Variants in VPREB3 observed in about 807,000 individuals in gnomAD.
VPREB3 encodes the protein pre-B lymphocyte protein 3.
In VPREB3, 14 loss-of-function variants were observed where a neutral mutation model predicts 12.9. That is an observed-to-expected ratio of 1.09 (90% confidence interval 0.72 to 1.70). VPREB3 has a LOEUF of 1.70. Among genes scored for constraint, VPREB3 ranks in the 40% most tolerant of loss-of-function variants. The probability of loss-of-function intolerance (pLI) is 0.00; values close to 1 mark genes in which losing one functional copy is unlikely to be tolerated. For synonymous variants in VPREB3, 78 were observed against 70.1 expected, an observed-to-expected ratio of 1.11 and a Z score of -0.56; for missense variants, 165 against 159.6, an observed-to-expected ratio of 1.03 and a Z score of -0.18.
Position 23,752,759 on chromosome 22 carries a change from A to G in VPREB3, c.*117T>C. The G allele has an allele frequency of 1.0e-6, 1 of 970,040 alleles. No individual in the cohort carries two copies. The highest frequency in any genetic ancestry group is 2.6e-5 in the East Asian group (1 of 38,308). 60.1% of individuals were successfully genotyped at this position (970,040 alleles called of 1,614,324 possible). The stretch of plus-strand genomic sequence containing the variant: ...CACAATAGCTGTTGTTGACATGTTG[A>G]ATATTATTAACCCATTTTACAGAGG... On this transcript the variant is annotated 3_prime_UTR_variant, in exon 2 of 2. Transcript: ENST00000248948.
At chr22:23,754,142 G>A (rs1454981560) in intron 1 of VPREB3, among the ~76,000 whole-genome samples, 173 bp downstream of exon 1, 4 of 151,058 alleles carry the variant, frequency 2.6e-5, no homozygotes, top group Admixed American at 6.6e-5. Flanking sequence ...AGATTGCACC[G>A]TTGCACTCCA....
chr22:23,753,299 C>T (rs1925421048), intron 1 of VPREB3, 101 bp from the exon 2 acceptor site: 3 of 1,237,256 alleles, frequency 2.4e-6, no homozygotes, highest in Admixed American at 4.5e-5. Context: ...CCAAAGGGCT[C>T]ATAGCCCAGT....
In VPREB3 at chr22:23,752,768, A is replaced by T; in HGVS notation, c.*108T>A. On this transcript the variant is annotated 3_prime_UTR_variant, in exon 2 of 2. Coordinates refer to ENST00000248948, the MANE Select transcript of VPREB3 (RefSeq NM_013378.3). Reference sequence around the variant, plus strand: ...TGTTGTTGACATGTTGAATATTATTAACCCATTTTACAGAGGGGAAGCAAG... The same window carrying T: ...TGTTGTTGACATGTTGAATATTATTTACCCATTTTACAGAGGGGAAGCAAG... The T allele has an allele frequency of 9.6e-7, 1 of 1,040,618 alleles. No homozygotes were observed. The allele number at this position is 1,040,618 out of a possible 1,614,324, so 64.5% of individuals were successfully genotyped here.
At position 23,752,880 on chromosome 22, in the gene VPREB3, G is replaced by C. The variant is rs774759606; in HGVS notation, c.368C>G (p.Pro123Arg). The C allele has an allele frequency of 1.2e-6, 2 of 1,609,194 alleles. No individual in the cohort carries two copies. The highest frequency in any genetic ancestry group is 2.2e-5 in the South Asian group (2 of 90,742). ...CACCCATCTCACACCCCACCCCTAG[G>C]GACTAAAGCCGTAGCCAACAGAGCA... ...YYCSVGYGFS[P>R] Residue 123 changes from proline (P) to arginine (R), a missense_variant, in exon 2 of 2, where the codon CCC (proline) becomes CGC (arginine). Coordinates refer to ENST00000248948, the MANE Select transcript of VPREB3 (RefSeq NM_013378.3).
intron 1 of VPREB3, 112 bp from the exon 2 acceptor site, chr22:23,753,310 G>A (rs1925421174): frequency 8.7e-7 from 1 of 1,151,482 alleles, no homozygotes; most frequent in Non-Finnish European, 1.2e-6. Context: ...ATAGCCCAGT[G>A]CTATGGGATT....
rs1346674834 is a variant in VPREB3 at position 23,753,111 on chromosome 22, T to G, written c.137A>C (p.His46Pro). The G allele has an allele frequency of 3.1e-6, 5 of 1,613,864 alleles. No individual in the cohort carries two copies. The African/African-American group carries it at 6.7e-5, about 22-fold the overall frequency. Reference protein sequence around the residue: ...AQLSCTLSPQHVTIRDYGVSW... With the variant: ...AQLSCTLSPQPVTIRDYGVSW... Reference sequence around the variant, plus strand: ...CACACCGTAGTCCCTGATGGTGACGTGCTGGGGGCTGAGCGTGCAGGAGAG... The same window carrying G: ...CACACCGTAGTCCCTGATGGTGACGGGCTGGGGGCTGAGCGTGCAGGAGAG... Residue 46 changes from histidine to proline, a missense_variant, in exon 2 of 2, where the codon CAC becomes CCC. Coordinates refer to ENST00000248948, the MANE Select transcript of VPREB3 (RefSeq NM_013378.3).
chr22:23,754,200 C>T (rs1353079116), intron 1 of VPREB3, 115 bp downstream of exon 1: 32 of 1,098,558 alleles, frequency 2.9e-5, no homozygotes, highest in Non-Finnish European at 4.0e-5. Flanking sequence ...AAAAAAATAC[C>T]CCTCCCAGGA....
At chr22:23,754,220 C>G (rs1214669438) in intron 1 of VPREB3, 95 bp downstream of exon 1, 6 of 1,329,352 alleles carry the variant, frequency 4.5e-6, no homozygotes, top group Non-Finnish European at 6.3e-6. Context: ...ACCTGCCCTA[C>G]TGTCCCCATC....
rs1315840147 is a variant in VPREB3, at chr22:23,753,099, C to G, written c.149G>C (p.Arg50Thr). The change falls in exon 2 of 2, where the codon AGG becomes ACG. Residue 50 changes from arginine to threonine, a missense_variant. Arg to Thr is a moderately conservative substitution (Grantham distance 71, BLOSUM62 -1). Coordinates refer to ENST00000248948, the MANE Select transcript of VPREB3 (RefSeq NM_013378.3). ...CTGGTACCAGGACACACCGTAGTCCCTGATGGTGACGTGCTGGGGGCTGAG... is the reference window on the plus strand; with the variant it reads ...CTGGTACCAGGACACACCGTAGTCCGTGATGGTGACGTGCTGGGGGCTGAG... ...CTLSPQHVTI[R>T]DYGVSWYQQR... The G allele has an allele frequency of 1.9e-6, 3 of 1,613,972 alleles. No homozygotes were observed. In the African/African-American group the frequency reaches 4.0e-5, roughly 22 times the overall value.
In VPREB3 at chr22:23,752,918, G is replaced by A. The variant is rs145023296; in HGVS notation, c.330C>T (p.Asp110=). Residue 110 remains aspartate, a synonymous_variant, in exon 2 of 2, where the codon GAC becomes GAT. Coordinates refer to ENST00000248948, the MANE Select transcript of VPREB3 (RefSeq NM_013378.3). ...LTISPVQPED[D]ADYYCSVGYG... Reference sequence around the variant, plus strand: ...AGCCAACAGAGCAGTAGTAATCCGCGTCGTCTTCAGGCTGCACGGGACTAA... The same window carrying A: ...AGCCAACAGAGCAGTAGTAATCCGCATCGTCTTCAGGCTGCACGGGACTAA... 50 of 1,614,116 alleles carry A rather than the reference G, an allele frequency of 3.1e-5. No individual in the cohort carries two copies. The African/African-American group carries it at 3.9e-4, about 12-fold the overall frequency.
rs140601102 is a variant in VPREB3, at chr22:23,753,034, G to A, written c.214C>T (p.Arg72Cys). 6,819 of 1,614,136 alleles carry A rather than the reference G, an allele frequency of 4.2e-3. 21 individuals are homozygous for A. Among genetic ancestry groups the A allele is most frequent in the Non-Finnish European group, 5.2e-3 (6,147 of 1,180,016 alleles). ...GSAPRYLLYY[R>C]SEEDHHRPAD... ...GGCCGGTGGTGATCCTCCTCCGAGC[G>A]GTAGTAGAGGAGATATCGAGGGGCA... The change falls in exon 2 of 2, where the codon CGC (arginine) becomes TGC (cysteine). Residue 72 changes from arginine (R) to cysteine (C), a missense_variant. Arg to Cys is a radical substitution (Grantham distance 180). Coordinates refer to ENST00000248948, the MANE Select transcript of VPREB3 (RefSeq NM_013378.3).
intron 1 of VPREB3, among the ~76,000 whole-genome samples, chr22:23,753,797 A>G (rs546547791): frequency 7.2e-5 from 11 of 152,196 alleles, no homozygotes; most frequent in Non-Finnish European, 1.6e-4. Context: ...TGATCTGGTC[A>G]TTCACGAATG....
Position 23,752,793 on chromosome 22 carries a change from G to A in VPREB3, c.*83C>T. The stretch of plus-strand genomic sequence containing the variant: ...AACCCATTTTACAGAGGGGAAGCAA[G>A]GCTCAGAGAAAGTTTAAAAGGGACC... On this transcript the variant is annotated 3_prime_UTR_variant, in exon 2 of 2. Coordinates refer to ENST00000248948, the MANE Select transcript of VPREB3 (RefSeq NM_013378.3). 1 of 1,343,168 alleles carries A rather than the reference G, an allele frequency of 7.4e-7. No individual in the cohort carries two copies. Among genetic ancestry groups the A allele is most frequent in the Non-Finnish European group, 1.0e-6 (1 of 965,702 alleles). 83.2% of individuals were successfully genotyped at this position (1,343,168 alleles called of 1,614,324 possible). A position where few individuals can be genotyped will look rare whatever the true frequency, so the allele number is the denominator to read the frequency against.
chr22:23,752,829 G>A lies in VPREB3; in HGVS notation c.*47C>T. 6.4e-7 allele frequency: 1 copy of A among 1,564,770 alleles called. No individual in the cohort carries two copies. Among genetic ancestry groups the A allele is most frequent in the Non-Finnish European group, 8.7e-7 (1 of 1,147,740 alleles). The stretch of plus-strand genomic sequence containing the variant: ...AGTTTAAAAGGGACCCAAGGTCAGG[G>A]GCAGAAATGGGAGGCAGAGGGGAGG... On this transcript the variant is annotated 3_prime_UTR_variant, in exon 2 of 2. Coordinates refer to ENST00000248948, the MANE Select transcript of VPREB3 (RefSeq NM_013378.3).
chr22:23,752,916 G>T lies in VPREB3; in HGVS notation c.332C>A (p.Ala111Glu), dbSNP rs149804832. The T allele has an allele frequency of 3.7e-6, 6 of 1,614,116 alleles. No individual in the cohort carries two copies. In the Admixed American group the frequency reaches 6.7e-5, roughly 18 times the overall value. ...TISPVQPEDD[A>E]DYYCSVGYGF... ...GTAGCCAACAGAGCAGTAGTAATCC[G>T]CGTCGTCTTCAGGCTGCACGGGACT... The change falls in exon 2 of 2, where the codon GCG becomes GAG. Residue 111 changes from alanine to glutamate, a missense_variant. Ala to Glu is a moderately radical substitution (Grantham distance 107). Transcript: ENST00000248948.
At chr22:23,754,040 A>G (rs5751724) in intron 1 of VPREB3, among the ~76,000 whole-genome samples, 74,337 of 151,770 alleles carry the variant, frequency 0.49, 20,044 homozygotes, top group African/African-American at 0.72. Context: ...AAAATTAGCC[A>G]GGCGTGGTGG....
At chr22:23,754,141 C>T (rs570010738) in intron 1 of VPREB3, among the ~76,000 whole-genome samples, 174 bp downstream of exon 1, 1 of 151,806 alleles carries the variant, frequency 6.6e-6, no homozygotes, top group Admixed American at 6.6e-5. Context: ...GAGATTGCAC[C>T]GTTGCACTCC....
Position 23,752,864 on chromosome 22 carries a change from C to T in VPREB3, c.*12G>A, listed in dbSNP as rs772989390. 2.3e-5 allele frequency: 36 copies of T among 1,598,040 alleles called. No individual in the cohort carries two copies. The highest frequency in any genetic ancestry group is 3.0e-5 in the Non-Finnish European group (35 of 1,168,688). ...GGAGGCAGAGGGGAGGCACCCATCT[C>T]ACACCCCACCCCTAGGGACTAAAGC... On this transcript the variant is annotated 3_prime_UTR_variant, in exon 2 of 2. Coordinates refer to ENST00000248948, the MANE Select transcript of VPREB3 (RefSeq NM_013378.3).
chr22:23,753,330 C>CG, intron 1 of VPREB3, 132 bp from the exon 2 acceptor site: 1 of 983,898 alleles, frequency 1.0e-6, no homozygotes, highest in Non-Finnish European at 1.5e-6. Flanking sequence ...TAGCAATGAA[C>CG]GGGGTGCAGG....
Sources: gnomAD v4.1 joint callset for allele counts (sites outside exome capture counted in the v4.1 genomes callset) on GRCh38, gnomAD v4.1.1 for gene constraint, MANE v1.5 for transcripts, NCBI Gene and HGNC (gene_info 2026-07-23, HGNC 2026-07-21) for gene names.